The following MGA variants were observed in gnomAD, a reference collection of about 807,000 sequenced individuals.
The protein encoded by MGA is MAX gene-associated protein.
In MGA, 40 loss-of-function variants were observed where a neutral mutation model predicts 261.1. The ratio of observed to expected loss-of-function variants is 0.15; its 90% CI spans 0.12 to 0.20. The LOEUF (loss-of-function observed/expected upper bound fraction) is 0.20, where lower values mean the gene tolerates loss of function less well. MGA is among the 10% of genes least tolerant of loss of function. The pLI is 1.00. For synonymous variants in MGA, 1,302 were observed against 1,290.6 expected (o/e 1.01, Z -0.19); for missense variants, 3,397 against 3,630.5 (o/e 0.94, Z 1.65).
At chr15:41,676,814 AG>A (rs1471807811) in intron 2 of MGA, among the ~76,000 whole-genome samples, 1 of 152,218 alleles carries the variant, frequency 6.6e-6, no homozygotes, top group African/African-American at 2.4e-5. Flanking sequence ...ATATTCTAAA[AG>A]GTTATAACCA....
intron 5 of MGA, among the ~76,000 whole-genome samples, chr15:41,703,220 T>A (rs2059935811): frequency 6.6e-6 from 1 of 152,198 alleles, no homozygotes; most frequent in Admixed American, 6.5e-5. Context: ...TTGACAGTTT[T>A]GAAGAGTCAG....
intron 9 of MGA, among the ~76,000 whole-genome samples, chr15:41,724,418 T>G (rs1406867917): frequency 6.6e-6 from 1 of 152,216 alleles, no homozygotes; most frequent in African/African-American, 2.4e-5. Flanking sequence ...TTTTTGTCAG[T>G]TTTATTCATT....
At position 41,707,751 on chromosome 15, in the gene MGA, G is replaced by C; in HGVS notation, c.2212G>C (p.Asp738His). 6.2e-7 allele frequency: 1 copy of C among 1,608,816 alleles called. No homozygotes were observed. Among genetic ancestry groups the C allele is most frequent in the South Asian group, 1.1e-5 (1 of 89,390 alleles). The change falls in exon 6 of 24, where the codon GAT becomes CAT. Residue 738 changes from aspartate to histidine, a missense_variant. Physicochemically the swap from Asp to His is moderately conservative, Grantham distance 81. Around this residue, in one of 9 missense-constraint regions of MGA, gnomAD observed 19 missense variants for 44.7 expected, o/e 0.43. Transcript: ENST00000219905. ...AGTGGGCTTAAAATTGAATTCAGTG[G>C]ATCCAACAATGAGCATTGATCTTAA...
At chr15:41,738,013 A>G (rs951983386) in intron 13 of MGA, among the ~76,000 whole-genome samples, 12 of 151,832 alleles carry the variant, frequency 7.9e-5, no homozygotes, top group African/African-American at 2.9e-4. Flanking sequence ...TTAGAGTAGC[A>G]AATGTGTGGA....
Position 41,696,125 on chromosome 15 carries a change from A to T in MGA, c.1115A>T (p.Asp372Val). Residue 372 changes from aspartate (D) to valine (V), a missense_variant, in exon 3 of 24, where the codon GAC becomes GTC. Coordinates refer to ENST00000219905, the MANE Select transcript of MGA (RefSeq NM_001164273.2). The stretch of plus-strand genomic sequence containing the variant: ...GACTCCCGTGTAGCCTCACCGTTAG[A>T]CCAGAACGGAAGCTTCAATGTTGTT... 6.2e-7 allele frequency: 1 copy of T among 1,613,744 alleles called. No homozygotes were observed. The highest frequency in any genetic ancestry group is 8.5e-7 in the Non-Finnish European group (1 of 1,179,864).
chr15:41,642,978 G>A (rs1238016500), intron 1 of MGA, among the ~76,000 whole-genome samples: 1 of 150,012 alleles, frequency 6.7e-6, no homozygotes, highest in East Asian at 2.0e-4. Context: ...CAGTGGCATG[G>A]TCAGGGCTCA....
intron 17 of MGA, 121 bp downstream of exon 17, chr15:41,750,736 A>G (rs1199835567): frequency 1.1e-5 from 10 of 899,452 alleles, no homozygotes; most frequent in Non-Finnish European, 1.6e-5. Flanking sequence ...TAGGTTTAAG[A>G]TTATGACTTA....
At chr15:41,747,210 T>A (rs1184930012) in intron 15 of MGA, among the ~76,000 whole-genome samples, 1 of 152,180 alleles carries the variant, frequency 6.6e-6, no homozygotes. Flanking sequence ...TCATTCCATT[T>A]TGGGGGGCTT....
chr15:41,661,271 G>C (rs774518101), intron 1 of MGA, among the ~76,000 whole-genome samples: 12 of 151,956 alleles, frequency 7.9e-5, no homozygotes, highest in African/African-American at 1.5e-4. Flanking sequence ...GGGGTTTCCC[G>C]TTTCTGTTAA....
chr15:41,633,352 G>GTT (rs1566923971), intron 1 of MGA, among the ~76,000 whole-genome samples: 2 of 93,982 alleles, frequency 2.1e-5, no homozygotes, highest in African/African-American at 3.2e-5. Flanking sequence ...CCCTCCTATG[G>GTT]TATTTTTTTT....
At chr15:41,765,799 T>G (rs1216144871) in intron 23 of MGA, among the ~76,000 whole-genome samples, 1 of 152,182 alleles carries the variant, frequency 6.6e-6, no homozygotes, top group African/African-American at 2.4e-5. Flanking sequence ...GAAAGAGCCT[T>G]TTGGTTGGAT....
At chr15:41,706,131 G>A (rs1305579038) in intron 5 of MGA, among the ~76,000 whole-genome samples, 1 of 151,886 alleles carries the variant, frequency 6.6e-6, no homozygotes, top group South Asian at 2.1e-4. Flanking sequence ...CAGCTACTTG[G>A]GAGGCTGAGG....
At chr15:41,742,043 A>G (rs1377067724) in intron 14 of MGA, among the ~76,000 whole-genome samples, 1 of 151,510 alleles carries the variant, frequency 6.6e-6, no homozygotes, top group Admixed American at 6.6e-5. Context: ...TTCTTGTTAG[A>G]ACTGAGGTTT....
chr15:41,660,316 GA>G, upstream of MGA: 1 of 152,652 alleles, frequency 6.6e-6, no homozygotes, highest in Non-Finnish European at 1.5e-5. Flanking sequence ...GGTGTTGGGG[GA>G]GGGGTCAGGG....
chr15:41,645,041 A>G (rs902630079), intron 1 of MGA, among the ~76,000 whole-genome samples: 2 of 152,260 alleles, frequency 1.3e-5, no homozygotes, highest in African/African-American at 4.8e-5. Flanking sequence ...TTGGTAATAC[A>G]TGTCTACAGA....
chr15:41,654,954 ATGG>A (rs1391551828), intron 1 of MGA, among the ~76,000 whole-genome samples: 1 of 152,108 alleles, frequency 6.6e-6, no homozygotes, highest in Non-Finnish European at 1.5e-5. Context: ...CTATTGCCAG[ATGG>A]TGTCATAACA....
chr15:41,688,812 A>AT (rs1009527979), intron 2 of MGA, among the ~76,000 whole-genome samples: 6 of 152,222 alleles, frequency 3.9e-5, no homozygotes, highest in East Asian at 1.9e-4. Context: ...CAGAAGTTTT[A>AT]TTTTTTTCAC....
intron 1 of MGA, among the ~76,000 whole-genome samples, chr15:41,638,043 T>G (rs1875978335): frequency 7.4e-6 from 1 of 134,882 alleles, no homozygotes; most frequent in Non-Finnish European, 1.6e-5. Context: ...TTTTTTTTTT[T>G]TTTTTTTTTT....
At chr15:41,760,300 A>G in intron 19 of MGA, 23 bp from the exon 20 acceptor site, 1 of 1,610,706 alleles carries the variant, frequency 6.2e-7, no homozygotes, top group Non-Finnish European at 8.5e-7. Flanking sequence ...CAAGATGTTT[A>G]GGAGGCAATC....
Sources: gnomAD v4.1 joint callset for allele counts (sites outside exome capture counted in the v4.1 genomes callset) on GRCh38, gnomAD v4.1.1 for gene constraint, gnomAD v4.1.1 regional missense constraint, MANE v1.5 for transcripts, NCBI Gene and HGNC (gene_info 2026-07-23, HGNC 2026-07-21) for gene names.